The following MYRIP variants were observed in gnomAD, a reference collection of about 807,000 sequenced individuals.
The protein encoded by MYRIP is rab effector MyRIP.
MYRIP carries 49 observed loss-of-function variants against 98.0 expected under a neutral mutation model. That is an observed-to-expected ratio of 0.50 (90% CI 0.40 to 0.63). The LOEUF (loss-of-function observed/expected upper bound fraction) is 0.63, where lower values mean the gene tolerates loss of function less well. Among genes scored for constraint, MYRIP ranks in the 30% least tolerant of loss-of-function variants. The pLI is 0.00. For synonymous variants in MYRIP, 404 were observed against 409.5 expected, an observed-to-expected ratio of 0.99 and a Z score of 0.16; for missense variants, 1,004 against 1,058.2, an observed-to-expected ratio of 0.95 and a Z score of 0.71.
intron 3 of MYRIP, among the ~76,000 whole-genome samples, chr3:40,107,027 T>C (rs774199597): frequency 6.6e-6 from 1 of 152,236 alleles, no homozygotes; most frequent in Non-Finnish European, 1.5e-5. Flanking sequence ...AAGATGATAA[T>C]TGATATGTTT....
At chr3:39,966,594 T>C (rs538144329) in intron 2 of MYRIP, among the ~76,000 whole-genome samples, 214 of 152,100 alleles carry the variant, frequency 1.4e-3, no homozygotes, top group Non-Finnish European at 2.6e-3. Flanking sequence ...GAAATGATAG[T>C]GTAGTACCCT....
intron 2 of MYRIP, among the ~76,000 whole-genome samples, chr3:39,919,288 G>A (rs188031174): frequency 6.6e-6 from 1 of 152,292 alleles, no homozygotes; most frequent in Admixed American, 6.5e-5. Flanking sequence ...GGGTGCCCCT[G>A]CTAGATTTCC....
chr3:40,107,668 T>C (rs1252373405), intron 3 of MYRIP, among the ~76,000 whole-genome samples: 1 of 152,160 alleles, frequency 6.6e-6, no homozygotes. Flanking sequence ...TAGGTATCCC[T>C]GAACAAAGCT....
At chr3:40,022,940 C>A (rs901928597) in intron 2 of MYRIP, among the ~76,000 whole-genome samples, 7 of 152,078 alleles carry the variant, frequency 4.6e-5, no homozygotes, top group Non-Finnish European at 8.8e-5. Context: ...AGTTACAGAT[C>A]CTAGGCAAAA....
At chr3:40,111,520 T>C (rs1042858470) in intron 3 of MYRIP, among the ~76,000 whole-genome samples, 1 of 152,088 alleles carries the variant, frequency 6.6e-6, no homozygotes, top group Admixed American at 6.5e-5. Flanking sequence ...TTTTGTGATA[T>C]AAAAGAAATT....
chr3:40,158,642 T>C (rs989074813), intron 4 of MYRIP, among the ~76,000 whole-genome samples: 4 of 152,176 alleles, frequency 2.6e-5, no homozygotes, highest in Admixed American at 1.3e-4. Flanking sequence ...AGTCTCTTTG[T>C]AGGTCACTCA....
intron 1 of MYRIP, among the ~76,000 whole-genome samples, chr3:39,873,824 C>T (rs1575328138): frequency 1.3e-5 from 2 of 151,664 alleles, no homozygotes; most frequent in Admixed American, 1.3e-4. Context: ...TGATGTGGGC[C>T]CTTTTTTGGT....
At chr3:39,815,191 C>T (rs1940859165) in intron 1 of MYRIP, among the ~76,000 whole-genome samples, 1 of 152,188 alleles carries the variant, frequency 6.6e-6, no homozygotes, top group African/African-American at 2.4e-5. Context: ...CACCCTGCCA[C>T]ACACCCAGCC....
At chr3:39,923,528 G>A (rs900614167) in intron 2 of MYRIP, among the ~76,000 whole-genome samples, 1 of 152,008 alleles carries the variant, frequency 6.6e-6, no homozygotes, top group Non-Finnish European at 1.5e-5. Context: ...GTGCTAAAAG[G>A]GAAAAACTGT....
intron 10 of MYRIP, among the ~76,000 whole-genome samples, chr3:40,191,370 C>T (rs2371177): frequency 0.81 from 122,855 of 152,114 alleles, 51,379 homozygotes; most frequent in Middle Eastern, 0.93. Flanking sequence ...TGCCCTTGCC[C>T]CCACCTCTTC....
intron 10 of MYRIP, among the ~76,000 whole-genome samples, chr3:40,194,827 A>T (rs1178508713): frequency 6.6e-6 from 1 of 151,946 alleles, no homozygotes; most frequent in East Asian, 1.9e-4. Flanking sequence ...TGTAAATGAG[A>T]TTTTATTTAT....
intron 3 of MYRIP, among the ~76,000 whole-genome samples, chr3:40,098,282 G>T (rs1332779882): frequency 6.6e-6 from 1 of 152,108 alleles, no homozygotes. Flanking sequence ...AATGAGGCAT[G>T]CCCCTTTTCA....
chr3:40,057,975 AGCAATGACTTAGCT>A (rs1199420218), intron 3 of MYRIP, among the ~76,000 whole-genome samples: 1 of 152,216 alleles, frequency 6.6e-6, no homozygotes, highest in Non-Finnish European at 1.5e-5. Flanking sequence ...AAAATCACTT[AGCAATGACTTAGCT>A]GCAATGACTC....
chr3:40,176,697 C>T (rs1292215569), intron 8 of MYRIP, among the ~76,000 whole-genome samples: 1 of 152,014 alleles, frequency 6.6e-6, no homozygotes, highest in African/African-American at 2.4e-5. Flanking sequence ...CACCTGAGAT[C>T]GGGAGTTCAA....
At chr3:39,910,973 C>T (rs983232034) in intron 2 of MYRIP, among the ~76,000 whole-genome samples, 4 of 152,186 alleles carry the variant, frequency 2.6e-5, no homozygotes, top group African/African-American at 7.2e-5. Flanking sequence ...GTCTCTGTCA[C>T]GTGAAGGTGG....
intron 2 of MYRIP, among the ~76,000 whole-genome samples, 153 bp from the exon 3 acceptor site, chr3:40,043,897 C>T (rs1278274327): frequency 6.6e-6 from 1 of 152,136 alleles, no homozygotes; most frequent in Non-Finnish European, 1.5e-5. Context: ...TAATGTTGAG[C>T]AGTTGATCTT....
At position 39,979,655 on chromosome 3, in the gene MYRIP, C is replaced by CA. The variant is rs56328162; in HGVS notation, c.111-64382dup. Among the ~76,000 whole-genome samples the CA allele has an allele frequency of 8.0e-3, 1,046 of 131,080 alleles. 22 individuals are homozygous for CA. Among genetic ancestry groups the CA allele is most frequent in the South Asian group, 0.071 (295 of 4,178 alleles). The allele number at this position is 131,080 out of a possible 152,430, so 86.0% of individuals were successfully genotyped here. On this transcript the variant is annotated intron_variant, in intron 2 of 16. Coordinates refer to ENST00000302541, the MANE Select transcript of MYRIP (RefSeq NM_015460.4). ...CTACATCTCAAAAACCAAAACAAAA[C>CA]AAAAAAAAAAAAACAAAAAAAAACT... is the stretch of plus-strand genomic sequence containing the variant.
chr3:40,135,180 G>A (rs1050998825), intron 3 of MYRIP, among the ~76,000 whole-genome samples: 2 of 152,142 alleles, frequency 1.3e-5, no homozygotes, highest in African/African-American at 4.8e-5. Context: ...ATGCAGAGAA[G>A]TCCTTAAAGG....
At chr3:39,884,545 C>T (rs977789378) in intron 1 of MYRIP, among the ~76,000 whole-genome samples, 6 of 152,126 alleles carry the variant, frequency 3.9e-5, no homozygotes, top group Non-Finnish European at 5.9e-5. Flanking sequence ...TGACCTCACA[C>T]AAGCAAGAAG....
Sources: gnomAD v4.1 joint callset for allele counts (sites outside exome capture counted in the v4.1 genomes callset) on GRCh38, gnomAD v4.1.1 for gene constraint, MANE v1.5 for transcripts, NCBI Gene and HGNC (gene_info 2026-07-23, HGNC 2026-07-21) for gene names.